INPP5A: variants seen among roughly 807,000 people sequenced by gnomAD.
INPP5A encodes 43 kDa inositol polyphosphate 5-phophatase.
In INPP5A, 14 loss-of-function variants were observed where a neutral mutation model predicts 65.2. That is an observed-to-expected ratio of 0.21 (90% CI 0.14 to 0.34). INPP5A has a LOEUF of 0.34. Among genes scored for constraint, INPP5A ranks in the 10% least tolerant of loss-of-function variants. The pLI is 1.00. For missense variants in INPP5A, 431 were observed against 545.6 expected, an observed-to-expected ratio of 0.79 and a Z score of 2.09; for synonymous variants, 207 against 208.3, an observed-to-expected ratio of 0.99 and a Z score of 0.05.
At chr10:132,624,134 C>CCCTGACCCACGCATGTTGCTCCCA (rs377301369) in intron 2 of INPP5A, among the ~76,000 whole-genome samples, 1,817 of 148,336 alleles carry the variant, frequency 0.012, 36 homozygotes, top group African/African-American at 0.042. Flanking sequence ...TGTGGCCACC[C>CCCTGACCCACGCATGTTGCTCCCA]CCTGACCCAC....
Position 132,587,650 on chromosome 10 carries a change from G to A in INPP5A, c.76-20265G>A, listed in dbSNP as rs1431249616. The stretch of plus-strand genomic sequence containing the variant: ...TAGCCAGAGGATTCCGTTCAGAAAC[G>A]GGGCCTGTAGATAATTGCGTTTTGT... On this transcript the variant is annotated intron_variant, in intron 1 of 15. Coordinates refer to ENST00000368594, the MANE Select transcript of INPP5A (RefSeq NM_005539.5). This position sits in a 1 kb window ranked among gnomAD's most constrained non-coding sequence, Gnocchi z 4.3. Among the ~76,000 whole-genome samples, 1 of 152,136 alleles carries A rather than the reference G, an allele frequency of 6.6e-6. No individual in the cohort carries two copies. Among genetic ancestry groups the A allele is most frequent in the Non-Finnish European group, 1.5e-5 (1 of 68,032 alleles).
chr10:132,568,297 C>T (rs2071296732), intron 1 of INPP5A, among the ~76,000 whole-genome samples: 2 of 151,700 alleles, frequency 1.3e-5, no homozygotes, highest in Admixed American at 1.3e-4. Flanking sequence ...ATGTGTTTCT[C>T]TGGAAGCCAT....
intron 6 of INPP5A, among the ~76,000 whole-genome samples, chr10:132,702,592 G>A (rs993879624): frequency 1.3e-5 from 2 of 152,230 alleles, no homozygotes; most frequent in Admixed American, 6.5e-5. Context: ...TGGGGTCTCT[G>A]CTGTACCTGT....
chr10:132,666,239 G>C (rs530701972), intron 4 of INPP5A, among the ~76,000 whole-genome samples: 1 of 152,236 alleles, frequency 6.6e-6, no homozygotes, highest in East Asian at 1.9e-4. Flanking sequence ...TTCATAGTCA[G>C]GGATATTTAT....
chr10:132,722,502 G>A (rs1000287861), intron 8 of INPP5A, among the ~76,000 whole-genome samples: 2 of 152,216 alleles, frequency 1.3e-5, no homozygotes, highest in African/African-American at 4.8e-5. Flanking sequence ...GCCTCCCACG[G>A]TGTCCCAGGC....
intron 11 of INPP5A, among the ~76,000 whole-genome samples, chr10:132,757,602 C>T (rs530072171): frequency 3.3e-5 from 5 of 152,356 alleles, no homozygotes; most frequent in African/African-American, 4.8e-5. Flanking sequence ...TTCCGTGACA[C>T]GTGACTGTGT....
chr10:132,685,422 G>T (rs747664171), intron 4 of INPP5A, among the ~76,000 whole-genome samples: 3 of 152,256 alleles, frequency 2.0e-5, no homozygotes, highest in Admixed American at 6.5e-5. Context: ...TTTCTGTCTC[G>T]AGCAGAGTGT....
chr10:132,538,074 A>AGCGCCC lies in INPP5A; in HGVS notation c.-17_-12dup, dbSNP rs1564908488. ...GGCCGCCGCCGCCGCCGCCCAGCCC[A>AGCGCCC]GCGCCCGCGCCGCCCGGGCACCATG... On this transcript the variant is annotated 5_prime_UTR_variant, in exon 1 of 16. Coordinates refer to ENST00000368594, the MANE Select transcript of INPP5A (RefSeq NM_005539.5). This position sits in a 1 kb window ranked among gnomAD's most constrained non-coding sequence, Gnocchi z 4.1. 6 of 1,122,784 alleles carry AGCGCCC rather than the reference A, an allele frequency of 5.3e-6. No individual in the cohort carries two copies. The East Asian group carries it at 2.2e-4, about 42-fold the overall frequency. The allele number at this position is 1,122,784 out of a possible 1,614,324, so 69.6% of individuals were successfully genotyped here.
At chr10:132,580,364 A>G (rs1224689590) in intron 1 of INPP5A, among the ~76,000 whole-genome samples, 5 of 152,138 alleles carry the variant, frequency 3.3e-5, no homozygotes, top group African/African-American at 4.8e-5. Context: ...TTCACACTCT[A>G]TCTCCTGCTC....
At chr10:132,580,345 A>G (rs1367451961) in intron 1 of INPP5A, among the ~76,000 whole-genome samples, 2 of 152,020 alleles carry the variant, frequency 1.3e-5, no homozygotes, top group Admixed American at 1.3e-4. Flanking sequence ...AGTGTGTGGC[A>G]CTTCCCCTTT....
At chr10:132,750,017 G>A (rs992922871) in intron 11 of INPP5A, among the ~76,000 whole-genome samples, 172 bp downstream of exon 11, 5 of 152,194 alleles carry the variant, frequency 3.3e-5, no homozygotes, top group African/African-American at 9.7e-5. Flanking sequence ...GGGTGCGTCC[G>A]GCACCCCGGG....
rs2070856692 is a variant in INPP5A, at chr10:132,537,795, T to G, written c.-302T>G. 2.8e-6 allele frequency: 1 copy of G among 356,830 alleles called. No homozygotes were observed. The highest frequency in any genetic ancestry group is 5.0e-6 in the Non-Finnish European group (1 of 199,410). The allele number at this position is 356,830 out of a possible 1,614,324, so 22.1% of individuals were successfully genotyped here. On this transcript the variant is annotated 5_prime_UTR_variant, in exon 1 of 16. Transcript: ENST00000368594. ...CGGCTCCGCGGGGCGGGACTTGCCC[T>G]CAGCCTGAGTCGGCGGCGGCTGCGG...
At chr10:132,618,299 C>T (rs180981264) in intron 2 of INPP5A, among the ~76,000 whole-genome samples, 60 of 152,238 alleles carry the variant, frequency 3.9e-4, no homozygotes, top group Middle Eastern at 3.5e-3. Context: ...GTGTGCTTCA[C>T]GGATGCAAGG....
rs75305977 is a variant in INPP5A at position 132,697,759 on chromosome 10, C to T, written c.371-57C>T. 18 of 1,202,698 alleles carry T rather than the reference C, an allele frequency of 1.5e-5. No individual in the cohort carries two copies. In the East Asian group the frequency reaches 4.3e-4, roughly 29 times the overall value. 74.5% of individuals were successfully genotyped at this position (1,202,698 alleles called of 1,614,324 possible). On this transcript the variant is annotated intron_variant, in intron 5 of 15. Transcript: ENST00000368594. The surrounding 1 kb of genome is among the most constrained non-coding windows in gnomAD (Gnocchi z 5.6). ...GGGTGGAAACAGGTTGTGCTCCAGG[C>T]TGGTTGGATGGGGCACAGTGATGGG...
chr10:132,565,541 G>C (rs1396279331), intron 1 of INPP5A, among the ~76,000 whole-genome samples: 1 of 152,134 alleles, frequency 6.6e-6, no homozygotes, highest in Non-Finnish European at 1.5e-5. Context: ...AAGCCTTCCT[G>C]TGTGTGTGTA....
intron 12 of INPP5A, among the ~76,000 whole-genome samples, chr10:132,766,224 G>T (rs1176528409): frequency 6.6e-6 from 1 of 152,266 alleles, no homozygotes; most frequent in Non-Finnish European, 1.5e-5. Context: ...CTGCACTTGT[G>T]TGCAAACTGC....
intron 1 of INPP5A, among the ~76,000 whole-genome samples, chr10:132,566,413 G>A (rs546031073): frequency 1.3e-5 from 2 of 152,284 alleles, no homozygotes; most frequent in African/African-American, 4.8e-5. Flanking sequence ...ACGGAGGCCC[G>A]ACAGAAGGTG....
At chr10:132,673,979 T>G (rs969039617) in intron 4 of INPP5A, among the ~76,000 whole-genome samples, 2 of 152,130 alleles carry the variant, frequency 1.3e-5, no homozygotes, top group Admixed American at 6.5e-5. Context: ...ATGGGTACCC[T>G]CCATTCCTGC....
At chr10:132,642,114 C>A (rs971691949) in intron 2 of INPP5A, among the ~76,000 whole-genome samples, 2 of 152,202 alleles carry the variant, frequency 1.3e-5, no homozygotes, top group African/African-American at 4.8e-5. Context: ...GAAGGGGCGG[C>A]CTTCTGGGAA....
Sources: allele counts gnomAD v4.1 joint callset (sites outside exome capture counted in the v4.1 genomes callset), GRCh38; gene constraint gnomAD v4.1.1; non-coding constraint Gnocchi (gnomAD v3.1); transcripts MANE v1.5; gene names NCBI Gene and HGNC (gene_info 2026-07-23, HGNC 2026-07-21).